The following PRSS50 variants were observed in gnomAD, a reference collection of about 807,000 sequenced individuals.
The protein encoded by PRSS50 is serine protease 50.
PRSS50 carries 23 observed loss-of-function variants against 34.2 expected under a neutral mutation model. The observed-to-expected ratio is 0.67, with a 90% CI of 0.48 to 0.95. The LOEUF is 0.95. PRSS50 is among the 40% of genes least tolerant of loss of function. The probability of loss-of-function intolerance (pLI) is 0.00; values close to 1 mark genes in which losing one functional copy is unlikely to be tolerated. For synonymous variants in PRSS50, 224 were observed against 211.2 expected (o/e 1.06, Z -0.53); for missense variants, 484 against 513.4 (o/e 0.94, Z 0.55).
In PRSS50 at chr3:46,712,212, A is replaced by AG. The variant is rs757041983; in HGVS notation, c.*33dup. 1.0e-3 allele frequency: 1,631 copies of AG among 1,557,200 alleles called. 1 individual carries two copies. Among genetic ancestry groups the AG allele is most frequent in the Non-Finnish European group, 1.4e-3 (1,541 of 1,140,246 alleles). ...CCACAGCAACCTGGGCACGGAGGCA[A>AG]GGGGGGCCCACAAGTGAGGGAGGGC... On this transcript the variant is annotated 3_prime_UTR_variant, in exon 6 of 6. Transcript: ENST00000315170.
chr3:46,714,067 C>A, intron 4 of PRSS50, 151 bp downstream of exon 4: 3 of 1,024,550 alleles, frequency 2.9e-6, no homozygotes, highest in South Asian at 3.4e-5. Flanking sequence ...GGGAAGGAGA[C>A]CTCAGAGATG....
Position 46,714,497 on chromosome 3 carries a change from C to T in PRSS50, c.475G>A (p.Asp159Asn). The T allele has an allele frequency of 3.1e-6, 5 of 1,588,688 alleles. No homozygotes were observed. The highest frequency in any genetic ancestry group is 4.3e-6 in the Non-Finnish European group (5 of 1,169,374). Residue 159 changes from aspartate to asparagine, a missense_variant, in exon 4 of 6, where the codon GAT becomes AAT. By Grantham distance (23) the Asp-to-Asn change is conservative (BLOSUM62 1). Transcript: ENST00000315170. ...CCCACCCTCACTGAGTAGATAACAT[C>T]ACGCCTAGGGGGGCCGTGAGGGGAG... ...LTVAHCLIWR[D>N]VIYSVRVGSP...
At chr3:46,713,143 A>C in intron 4 of PRSS50, 76 bp from the exon 5 acceptor site, 1 of 1,526,498 alleles carries the variant, frequency 6.6e-7, no homozygotes, top group Non-Finnish European at 9.0e-7. Flanking sequence ...TCCTCTCTCC[A>C]CTGTTCCCCA....
chr3:46,714,195 G>A, intron 4 of PRSS50, 23 bp downstream of exon 4: 1 of 1,608,406 alleles, frequency 6.2e-7, no homozygotes, highest in Non-Finnish European at 8.5e-7. Context: ...CACCCGCCCT[G>A]GTCTGCAGAG....
Position 46,717,849 on chromosome 3 carries a change from TCTC to T in PRSS50, c.-28_-26del. On this transcript the variant is annotated 5_prime_UTR_variant, in exon 1 of 6. Transcript: ENST00000315170. The surrounding 1 kb of genome is among the most constrained non-coding windows in gnomAD (Gnocchi z 4.5). ...TCCCGGGGTGGCAGCCGACTGCGTC[TCTC>T]CGGAAGGCGCTCCCAGTGCCGCCCC... 1.4e-6 allele frequency: 2 copies of T among 1,469,270 alleles called. No homozygotes were observed. The highest frequency in any genetic ancestry group is 2.8e-5 in the South Asian group (2 of 70,420). 91.0% of individuals were successfully genotyped at this position (1,469,270 alleles called of 1,614,324 possible). A position where few individuals can be genotyped will look rare whatever the true frequency, so the allele number is the denominator to read the frequency against.
chr3:46,717,642 GGAGGACGTC>G lies in PRSS50; in HGVS notation c.107-14_107-6del. 6.2e-7 allele frequency: 1 copy of G among 1,611,962 alleles called. No homozygotes were observed. The highest frequency in any genetic ancestry group is 1.1e-5 in the South Asian group (1 of 90,848). ...CTTCCCCTGCGCCCCAGCAACCTGC[GGAGGACGTC>G]GAGCGGATTAGAGGTGGAAGGCGAG... On this transcript the variant is annotated splice_polypyrimidine_tract_variant and splice_region_variant and intron_variant, in intron 1 of 5. Transcript: ENST00000315170. The surrounding 1 kb of genome is among the most constrained non-coding windows in gnomAD (Gnocchi z 4.5).
At position 46,712,933 on chromosome 3, in the gene PRSS50, C is replaced by T. The variant is rs762763127; in HGVS notation, c.889G>A (p.Ala297Thr). ...AACTTCTCCCTGTGGGTGTCCTCCGCACACATCATCTGGGACTTGATGATC... is the reference window on the plus strand; with the variant it reads ...AACTTCTCCCTGTGGGTGTCCTCCGTACACATCATCTGGGACTTGATGATC... ...VQIIKSQMMCAEDTHREKFCY... is the reference protein window; with the variant it reads ...VQIIKSQMMCTEDTHREKFCY... The change falls in exon 5 of 6, where the codon GCG (alanine) becomes ACG (threonine). Residue 297 changes from alanine to threonine, a missense_variant. Ala to Thr is a moderately conservative substitution (Grantham distance 58, BLOSUM62 0). Coordinates refer to ENST00000315170, the MANE Select transcript of PRSS50 (RefSeq NM_013270.5). The T allele has an allele frequency of 3.1e-6, 5 of 1,614,166 alleles. No individual in the cohort carries two copies. In the South Asian group the frequency reaches 4.4e-5, roughly 14 times the overall value.
rs1200166228 is a variant in PRSS50 at position 46,716,122 on chromosome 3, A to G, written c.308-425T>C. Among the ~76,000 whole-genome samples the G allele has an allele frequency of 6.6e-6, 1 of 152,226 alleles. No homozygotes were observed. Among genetic ancestry groups the G allele is most frequent in the African/African-American group, 2.4e-5 (1 of 41,454 alleles). ...CCCCTTTCTGTGGCTCAGTGAGAGG[A>G]AAGTGGATGCCCCAACAGAAAAATG... On this transcript the variant is annotated intron_variant, in intron 2 of 5. Coordinates refer to ENST00000315170, the MANE Select transcript of PRSS50 (RefSeq NM_013270.5). The surrounding 1 kb of genome is among the most constrained non-coding windows in gnomAD (Gnocchi z 4.4).
chr3:46,717,792 C>T lies in PRSS50; in HGVS notation c.33G>A (p.Gly11=), dbSNP rs748641122. 9 of 1,550,910 alleles carry T rather than the reference C, an allele frequency of 5.8e-6. No individual in the cohort carries two copies. The highest frequency in any genetic ancestry group is 7.8e-6 in the Non-Finnish European group (9 of 1,149,426). MGRWCQTVAR[G]QRPRTSAPSR... is the part of the protein sequence containing the mutation. ...AGGGGGCAGACGTCCGGGGGCGCTG[C>T]CCGCGCGCGACGGTCTGGCACCAGC... The change falls in exon 1 of 6, where the codon GGG becomes GGA. Residue 11 remains glycine, a synonymous_variant. Transcript: ENST00000315170. This position sits in a 1 kb window ranked among gnomAD's most constrained non-coding sequence, Gnocchi z 4.5.
intron 4 of PRSS50, 75 bp from the exon 5 acceptor site, chr3:46,713,142 C>A: frequency 6.5e-7 from 1 of 1,530,808 alleles, no homozygotes. Flanking sequence ...GTCCTCTCTC[C>A]ACTGTTCCCC....
Position 46,714,374 on chromosome 3 carries a change from A to G in PRSS50, c.598T>C (p.Trp200Arg). The G allele has an allele frequency of 6.2e-7, 1 of 1,613,988 alleles. No homozygotes were observed. Among genetic ancestry groups the G allele is most frequent in the Non-Finnish European group, 8.5e-7 (1 of 1,179,990 alleles). ...CCGATGTCGTTGGCCTGGCCCACCC[A>G]GGACCAGAACCGCTGGGCCCGGTAC... ...SRYRAQRFWSWVGQANDIGLL... is the reference protein window; with the variant it reads ...SRYRAQRFWSRVGQANDIGLL... The change falls in exon 4 of 6, where the codon TGG (tryptophan) becomes CGG (arginine). Residue 200 changes from tryptophan to arginine, a missense_variant. Coordinates refer to ENST00000315170, the MANE Select transcript of PRSS50 (RefSeq NM_013270.5).
intron 5 of PRSS50, 148 bp from the exon 6 acceptor site, chr3:46,712,630 T>A: frequency 1.2e-6 from 1 of 811,634 alleles, no homozygotes; most frequent in Non-Finnish European, 2.0e-6. Flanking sequence ...ACCCAGGAGC[T>A]CTTCCTCAAA....
Position 46,717,768 on chromosome 3 carries a change from G to T in PRSS50, c.57C>A (p.Pro19=), listed in dbSNP as rs1294690527. ...ARGQRPRTSA[P]SRAGALLLLL... The stretch of plus-strand genomic sequence containing the variant: ...GCAGCAGCAGGGCACCGGCGCGGGA[G>T]GGGGCAGACGTCCGGGGGCGCTGCC... Residue 19 remains proline (P), a synonymous_variant, in exon 1 of 6, where the codon CCC becomes CCA. Coordinates refer to ENST00000315170, the MANE Select transcript of PRSS50 (RefSeq NM_013270.5). The surrounding 1 kb of genome is among the most constrained non-coding windows in gnomAD (Gnocchi z 4.5). The T allele has an allele frequency of 1.9e-6, 3 of 1,580,526 alleles. No individual in the cohort carries two copies. The highest frequency in any genetic ancestry group is 2.3e-5 in the East Asian group (1 of 43,080).
Position 46,712,219 on chromosome 3 carries a change from C to T in PRSS50, c.*27G>A. ...AACCTGGGCACGGAGGCAAGGGGGG[C>T]CCACAAGTGAGGGAGGGCACACAGA... is the stretch of plus-strand genomic sequence containing the variant. On this transcript the variant is annotated 3_prime_UTR_variant, in exon 6 of 6. Coordinates refer to ENST00000315170, the MANE Select transcript of PRSS50 (RefSeq NM_013270.5). The T allele has an allele frequency of 6.3e-7, 1 of 1,575,992 alleles. No homozygotes were observed. The highest frequency in any genetic ancestry group is 2.3e-5 in the East Asian group (1 of 44,040).
intron 4 of PRSS50, 107 bp downstream of exon 4, chr3:46,714,111 C>T: frequency 7.0e-6 from 10 of 1,418,542 alleles, no homozygotes; most frequent in Non-Finnish European, 8.5e-6. Context: ...GAGCGGCAGG[C>T]TCCCTGGGGA....
Position 46,712,144 on chromosome 3 carries a change from C to T in PRSS50, c.*102G>A. On this transcript the variant is annotated 3_prime_UTR_variant, in exon 6 of 6. Transcript: ENST00000315170. ...TGGAAAACAGTAATGTTTAATTGAG[C>T]ACCTCATCTCCACCCTGACTCTCAG... is the stretch of plus-strand genomic sequence containing the variant. 9.9e-7 allele frequency: 1 copy of T among 1,015,176 alleles called. No homozygotes were observed. Among genetic ancestry groups the T allele is most frequent in the Non-Finnish European group, 1.4e-6 (1 of 693,090 alleles). 62.9% of individuals were successfully genotyped at this position (1,015,176 alleles called of 1,614,324 possible).
At chr3:46,712,704 A>C (rs1575471807) in intron 5 of PRSS50, among the ~76,000 whole-genome samples, 197 bp downstream of exon 5, 4 of 53,914 alleles carry the variant, frequency 7.4e-5, no homozygotes, top group Non-Finnish European at 7.4e-5. Flanking sequence ...CACTCCTCTC[A>C]CCTCCAACAG....
Position 46,715,528 on chromosome 3 carries a change from G to A in PRSS50, c.470+7C>T. ...TCTCCACCCACCCCACCTCAGCCTT[G>A]ACTCACCAGATCAGGCAGTGGGCCA... On this transcript the variant is annotated splice_region_variant and intron_variant, in intron 3 of 5. Coordinates refer to ENST00000315170, the MANE Select transcript of PRSS50 (RefSeq NM_013270.5). The surrounding 1 kb of genome is among the most constrained non-coding windows in gnomAD (Gnocchi z 5.2). The A allele has an allele frequency of 1.2e-6, 2 of 1,609,048 alleles. No homozygotes were observed. The highest frequency in any genetic ancestry group is 1.7e-6 in the Non-Finnish European group (2 of 1,176,008).
chr3:46,712,820 C>A (rs1387243475), intron 5 of PRSS50, 81 bp downstream of exon 5: 1 of 1,507,710 alleles, frequency 6.6e-7, no homozygotes, highest in Non-Finnish European at 9.1e-7. Context: ...CCTACCCAAC[C>A]TCCACCGTTC....
Sources: gnomAD v4.1 joint callset for allele counts (sites outside exome capture counted in the v4.1 genomes callset) on GRCh38, gnomAD v4.1.1 for gene constraint, Gnocchi (gnomAD v3.1) non-coding constraint, MANE v1.5 for transcripts, NCBI Gene and HGNC (gene_info 2026-07-23, HGNC 2026-07-21) for gene names.